Variants in ZSCAN25 observed in about 807,000 individuals in gnomAD.
The protein encoded by ZSCAN25 is zinc finger and SCAN domain-containing protein 25.
ZSCAN25 carries 27 observed loss-of-function variants against 38.7 expected under a neutral mutation model. The observed-to-expected ratio is 0.70, with a 90% confidence interval of 0.51 to 0.96. The LOEUF (loss-of-function observed/expected upper bound fraction) is 0.96. Among genes scored for constraint, ZSCAN25 ranks in the 40% least tolerant of loss-of-function variants. The probability of loss-of-function intolerance (pLI) is 0.00; values close to 1 mark genes in which losing one functional copy is unlikely to be tolerated. For missense variants in ZSCAN25, 637 were observed against 705.9 expected (o/e 0.90, Z 1.11); for synonymous variants, 273 against 277.7 (o/e 0.98, Z 0.17).
chr7:99,672,628 G>A, the ZSCAN25 span: 2 of 1,614,084 alleles, frequency 1.2e-6, no homozygotes, highest in South Asian at 1.1e-5. Context: ...GCACTGTTCT[G>A]ATCACGTCGG....
chr7:99,636,354 T>C (rs1229259085), downstream of ZSCAN25, among the ~76,000 whole-genome samples: 3 of 152,220 alleles, frequency 2.0e-5, no homozygotes, highest in Non-Finnish European at 2.9e-5. Flanking sequence ...AAATCAAAAA[T>C]CCCTCTGCAC....
the ZSCAN25 span, chr7:99,660,604 A>G: frequency 2.5e-6 from 4 of 1,613,986 alleles, no homozygotes; most frequent in Non-Finnish European, 3.4e-6. Context: ...TGGTGGTTTC[A>G]TAGCCAGCAA....
chr7:99,667,883 C>T, the ZSCAN25 span, among the ~76,000 whole-genome samples: 1 of 152,002 alleles, frequency 6.6e-6, no homozygotes, highest in South Asian at 2.1e-4. Context: ...TCAAGAAGAA[C>T]TAAAAAATGC....
At chr7:99,650,019 A>AT in the ZSCAN25 span, 1 of 1,593,016 alleles carries the variant, frequency 6.3e-7, no homozygotes. Flanking sequence ...TTTAAAAAAT[A>AT]TATACCCTTC....
the ZSCAN25 span, chr7:99,710,975 C>A: frequency 6.2e-7 from 1 of 1,603,850 alleles, no homozygotes; most frequent in Middle Eastern, 1.7e-4. Flanking sequence ...CTAAGTGGAA[C>A]CTTCAAATCC....
chr7:99,711,331 A>G, the ZSCAN25 span, among the ~76,000 whole-genome samples: 1 of 152,220 alleles, frequency 6.6e-6, no homozygotes, highest in Non-Finnish European at 1.5e-5. Flanking sequence ...GAGAATTTGC[A>G]ACATTAATGG....
At chr7:99,624,934 C>A (rs1257347087) in intron 7 of ZSCAN25, among the ~76,000 whole-genome samples, 2 of 152,140 alleles carry the variant, frequency 1.3e-5, no homozygotes, top group African/African-American at 2.4e-5. Context: ...GCTGGAGCGG[C>A]CTGTCCTTGT....
At chr7:99,737,126 T>G in the ZSCAN25 span, among the ~76,000 whole-genome samples, 1 of 152,186 alleles carries the variant, frequency 6.6e-6, no homozygotes, top group East Asian at 1.9e-4. Context: ...TTCAGTGGCT[T>G]CGCTGAGCAC....
At chr7:99,688,252 T>C in the ZSCAN25 span, among the ~76,000 whole-genome samples, 1 of 152,134 alleles carries the variant, frequency 6.6e-6, no homozygotes, top group African/African-American at 2.4e-5. Flanking sequence ...TCAAGACCCA[T>C]CAGTGTGCTG....
the ZSCAN25 span, among the ~76,000 whole-genome samples, chr7:99,706,809 T>C: frequency 2.0e-5 from 3 of 152,322 alleles, no homozygotes; most frequent in East Asian, 5.8e-4. Context: ...TGCATATCAC[T>C]CCTTAAACAT....
chr7:99,713,597 G>C, the ZSCAN25 span: 2 of 1,609,778 alleles, frequency 1.2e-6, no homozygotes, highest in Non-Finnish European at 1.7e-6. Flanking sequence ...AAGTTAATCA[G>C]AAGTGCAGTC....
chr7:99,660,497 A>G, the ZSCAN25 span: 1 of 1,608,548 alleles, frequency 6.2e-7, no homozygotes, highest in Admixed American at 1.7e-5. Context: ...TCATCCCCTC[A>G]CCTTATTGGG....
the ZSCAN25 span, among the ~76,000 whole-genome samples, chr7:99,642,787 T>C: frequency 6.6e-6 from 1 of 152,206 alleles, no homozygotes; most frequent in Non-Finnish European, 1.5e-5. Context: ...TGTGTGAAAG[T>C]AGAAACTTTG....
chr7:99,695,643 T>G, the ZSCAN25 span: 1 of 976,498 alleles, frequency 1.0e-6, no homozygotes, highest in Non-Finnish European at 1.5e-6. Flanking sequence ...TCTGAAAGTG[T>G]AAAACCTCAG....
chr7:99,669,395 A>G, the ZSCAN25 span, among the ~76,000 whole-genome samples: 1 of 152,242 alleles, frequency 6.6e-6, no homozygotes, highest in Non-Finnish European at 1.5e-5. Flanking sequence ...ACTCGGACTC[A>G]ATCGTAAGGT....
At chr7:99,679,960 T>A in the ZSCAN25 span, 2 of 1,449,398 alleles carry the variant, frequency 1.4e-6, no homozygotes, top group Non-Finnish European at 1.9e-6. Flanking sequence ...TGCTGTTTGC[T>A]GGGCTGTTTG....
At chr7:99,647,836 G>A in the ZSCAN25 span, 1 of 985,260 alleles carries the variant, frequency 1.0e-6, no homozygotes, top group Non-Finnish European at 1.2e-6. Context: ...GTGCAGGATG[G>A]CATCAGATAA....
At position 99,631,609 on chromosome 7, in the gene ZSCAN25, TTTACTGAGA is replaced by T. The variant is rs1214049494; in HGVS notation, c.*1592_*1600del. 51 of 985,398 alleles carry T rather than the reference TTTACTGAGA, an allele frequency of 5.2e-5. No homozygotes were observed. In the African/African-American group the frequency reaches 8.5e-4, roughly 17 times the overall value. The allele number at this position is 985,398 out of a possible 1,614,324, so 61.0% of individuals were successfully genotyped here. On this transcript the variant is annotated 3_prime_UTR_variant, in exon 8 of 8. Coordinates refer to ENST00000394152, the MANE Select transcript of ZSCAN25 (RefSeq NM_145115.3). ...CTGATGCCTCTTAATACCAGATTCT[TTTACTGAGA>T]TTTTTTTTTTTCATTTTCCATTGTA...
At chr7:99,684,035 G>A in the ZSCAN25 span, among the ~76,000 whole-genome samples, 1 of 152,170 alleles carries the variant, frequency 6.6e-6, no homozygotes, top group Non-Finnish European at 1.5e-5. Context: ...TGGAATGCAA[G>A]AGGTGTAAGA....
Sources: allele counts gnomAD v4.1 joint callset (sites outside exome capture counted in the v4.1 genomes callset), GRCh38; gene constraint gnomAD v4.1.1; transcripts MANE v1.5; gene names NCBI Gene and HGNC (gene_info 2026-07-23, HGNC 2026-07-21).